SEL1L: variants seen among roughly 807,000 people sequenced by gnomAD.
SEL1L encodes the protein SEL1L adaptor subunit of SYVN1 ubiquitin ligase.
SEL1L carries 52 observed loss-of-function variants against 109.8 expected under a neutral mutation model. The ratio of observed to expected loss-of-function variants is 0.47; its 90% confidence interval spans 0.38 to 0.60. The LOEUF is 0.60. Among genes scored for constraint, SEL1L ranks in the 20% least tolerant of loss-of-function variants. SEL1L has a pLI of 0.00. For missense variants in SEL1L, 749 were observed against 962.2 expected (o/e 0.78, Z 2.93); for synonymous variants, 373 against 339.6 (o/e 1.10, Z -1.08).
intron 1 of SEL1L, 119 bp from the exon 2 acceptor site, chr14:81,527,857 G>T: frequency 1.6e-6 from 1 of 632,372 alleles, no homozygotes; most frequent in Admixed American, 3.1e-5. Flanking sequence ...AATAAACATA[G>T]AATTATTTTA....
chr14:81,476,743 T>C lies in SEL1L; in HGVS notation c.*229A>G, dbSNP rs1903171846. ...AAAGAAAAAAAAAAGCCACTGAAAG[T>C]TGTTATTCCATATGGCACTGAAACA... On this transcript the variant is annotated 3_prime_UTR_variant, in exon 21 of 21. Coordinates refer to ENST00000336735, the MANE Select transcript of SEL1L (RefSeq NM_005065.6). The C allele has an allele frequency of 2.0e-6, 1 of 494,766 alleles. No individual in the cohort carries two copies. 30.6% of individuals were successfully genotyped at this position (494,766 alleles called of 1,614,324 possible). A position where few individuals can be genotyped will look rare whatever the true frequency, so the allele number is the denominator to read the frequency against.
rs1392068289 is a variant in SEL1L at position 81,475,277 on chromosome 14, A to T, written c.*1695T>A. On this transcript the variant is annotated 3_prime_UTR_variant, in exon 21 of 21. Coordinates refer to ENST00000336735, the MANE Select transcript of SEL1L (RefSeq NM_005065.6). ...ACCTTTCACAGATACGCTTTCATAC[A>T]TATGGCTCTCTTGGTGACTAACTCT... The T allele has an allele frequency of 1.3e-5, 2 of 152,522 alleles. No individual in the cohort carries two copies. The highest frequency in any genetic ancestry group is 4.8e-5 in the African/African-American group (2 of 41,442). 9.4% of individuals were successfully genotyped at this position (152,522 alleles called of 1,614,324 possible).
At chr14:81,500,850 AAC>A (rs1883975672) in intron 6 of SEL1L, among the ~76,000 whole-genome samples, 1 of 152,212 alleles carries the variant, frequency 6.6e-6, no homozygotes, top group Non-Finnish European at 1.5e-5. Flanking sequence ...TAAAAATAAA[AAC>A]ACAAAAATGG....
In SEL1L at chr14:81,476,943, T is replaced by A; in HGVS notation, c.*29A>T. 1 of 1,608,628 alleles carries A rather than the reference T, an allele frequency of 6.2e-7. No individual in the cohort carries two copies. Among genetic ancestry groups the A allele is most frequent in the Non-Finnish European group, 8.5e-7 (1 of 1,175,760 alleles). On this transcript the variant is annotated 3_prime_UTR_variant, in exon 21 of 21. Transcript: ENST00000336735. The stretch of plus-strand genomic sequence containing the variant: ...TCCCAGCAGATAACTTCCTTCGCTG[T>A]CACTGATCAAGGCTGGACCCAGTGC...
At chr14:81,524,516 G>A (rs1453337653) in intron 3 of SEL1L, among the ~76,000 whole-genome samples, 4 of 152,196 alleles carry the variant, frequency 2.6e-5, no homozygotes, top group African/African-American at 4.8e-5. Context: ...GATCCAAAAC[G>A]TGGGAAACTG....
chr14:81,510,044 C>T (rs7152387), intron 3 of SEL1L, among the ~76,000 whole-genome samples: 2,033 of 152,302 alleles, frequency 0.013, 25 homozygotes, highest in Middle Eastern at 0.02. Context: ...GGAAGAGGAT[C>T]AAAGGCTGAG....
intron 19 of SEL1L, 80 bp from the exon 20 acceptor site, chr14:81,479,820 ATTTT>A: frequency 7.9e-7 from 1 of 1,263,716 alleles, no homozygotes; most frequent in South Asian, 1.9e-5. Context: ...AGACGAATTT[ATTTT>A]ACCTTTGAGG....
intron 19 of SEL1L, among the ~76,000 whole-genome samples, chr14:81,481,998 T>G (rs1264466753): frequency 6.6e-6 from 1 of 151,230 alleles, no homozygotes; most frequent in Non-Finnish European, 1.5e-5. Context: ...GCCACTGCAC[T>G]CCAGCCTGGG....
At chr14:81,533,617 C>A in intron 1 of SEL1L, 58 bp downstream of exon 1, 4 of 1,554,882 alleles carry the variant, frequency 2.6e-6, no homozygotes, top group Non-Finnish European at 3.5e-6. Context: ...GCCCCGCCGG[C>A]TGTAGAGGCT....
rs370074022 is a variant in SEL1L at position 81,514,239 on chromosome 14, C to A, written c.341-7998G>T. Among the ~76,000 whole-genome samples the A allele has an allele frequency of 2.2e-3, 331 of 152,336 alleles. 2 individuals carry two copies. The Middle Eastern group carries it at 0.037, about 17-fold the overall frequency. On this transcript the variant is annotated intron_variant, in intron 3 of 20. Transcript: ENST00000336735. ...TCCCTCCTCAGGGTAGCAGGCCTAA[C>A]AAAAGCTATTCCTGAAGCTAGGATA...
chr14:81,500,052 G>A (rs1422683814), intron 6 of SEL1L, among the ~76,000 whole-genome samples: 1 of 151,630 alleles, frequency 6.6e-6, no homozygotes, highest in Non-Finnish European at 1.5e-5. Flanking sequence ...ACTATGTAGA[G>A]GCGTATGCCA....
At chr14:81,504,916 C>A (rs1220228024) in intron 4 of SEL1L, among the ~76,000 whole-genome samples, 1 of 151,434 alleles carries the variant, frequency 6.6e-6, no homozygotes, top group East Asian at 1.9e-4. Context: ...TTTCCTGAGG[C>A]CTCCCAAGAA....
intron 14 of SEL1L, chr14:81,488,951 G>C: frequency 2.7e-6 from 1 of 365,324 alleles, no homozygotes; most frequent in Admixed American, 5.0e-5. Flanking sequence ...AGCAGGCAAG[G>C]AGATGTTTAA....
In SEL1L at chr14:81,533,811, C is replaced by A; in HGVS notation, c.-67G>T. On this transcript the variant is annotated 5_prime_UTR_variant, in exon 1 of 21. Transcript: ENST00000336735. ...TCGCCTCTGCCACCACGGACTCAGCCACCACCGCCGCCTCGCCGCTGCTCT... is the reference window on the plus strand; with the variant it reads ...TCGCCTCTGCCACCACGGACTCAGCAACCACCGCCGCCTCGCCGCTGCTCT... The A allele has an allele frequency of 6.1e-6, 9 of 1,478,880 alleles. No individual in the cohort carries two copies. The highest frequency in any genetic ancestry group is 8.4e-6 in the Non-Finnish European group (9 of 1,072,646). 91.6% of individuals were successfully genotyped at this position (1,478,880 alleles called of 1,614,324 possible).
chr14:81,480,198 AT>A (rs893711507), intron 19 of SEL1L, among the ~76,000 whole-genome samples: 7 of 148,592 alleles, frequency 4.7e-5, no homozygotes, highest in Admixed American at 1.3e-4. Context: ...ATTCTTTTTT[AT>A]TTTTTTTTTG....
intron 12 of SEL1L, 89 bp from the exon 13 acceptor site, chr14:81,490,554 G>T: frequency 2.0e-6 from 2 of 1,013,472 alleles, no homozygotes; most frequent in African/African-American, 1.6e-5. Flanking sequence ...AGTTTTGTCA[G>T]ATCTCATTAA....
chr14:81,502,663 G>A, intron 6 of SEL1L, 58 bp downstream of exon 6: 2 of 1,536,230 alleles, frequency 1.3e-6, no homozygotes, highest in Non-Finnish European at 1.8e-6. Flanking sequence ...AGAGTAAACT[G>A]CTTTTAAAAC....
chr14:81,523,705 A>G lies in SEL1L; in HGVS notation c.340+3028T>C, dbSNP rs116171593. Among the ~76,000 whole-genome samples, 888 of 152,176 alleles carry G rather than the reference A, an allele frequency of 5.8e-3. 10 individuals carry two copies. Among genetic ancestry groups the G allele is most frequent in the African/African-American group, 0.02 (832 of 41,508 alleles). ...ACTGGTCTTGTGAGACTGAGCCCTA[A>G]ACTTGTGAGATCTAATGCTATCTCC... On this transcript the variant is annotated intron_variant, in intron 3 of 20. Transcript: ENST00000336735.
intron 3 of SEL1L, among the ~76,000 whole-genome samples, chr14:81,510,610 A>T (rs1214668453): frequency 6.6e-6 from 1 of 151,820 alleles, no homozygotes; most frequent in Non-Finnish European, 1.5e-5. Context: ...ACTAAAAGTT[A>T]ATTTCTTGAT....
Sources: gnomAD v4.1 joint callset for allele counts (sites outside exome capture counted in the v4.1 genomes callset) on GRCh38, gnomAD v4.1.1 for gene constraint, MANE v1.5 for transcripts, NCBI Gene and HGNC (gene_info 2026-07-23, HGNC 2026-07-21) for gene names.